GRM5: variants seen among roughly 807,000 people sequenced by gnomAD.
The protein encoded by GRM5 is glutamate metabotropic receptor 5.
Under a neutral mutation model 83.1 loss-of-function variants are expected in GRM5, and 19 were observed. That is an observed-to-expected ratio of 0.23 (90% CI 0.16 to 0.34). The LOEUF (loss-of-function observed/expected upper bound fraction) is 0.34, where lower values mean the gene tolerates loss of function less well. GRM5 is among the 10% of genes least tolerant of loss of function. The pLI is 1.00. For missense variants in GRM5, 1,160 were observed against 1,588.3 expected (o/e 0.73, Z 4.58); for synonymous variants, 675 against 633.6 (o/e 1.07, Z -0.98).
At chr11:88,905,737 C>G (rs1422934936) in intron 2 of GRM5, among the ~76,000 whole-genome samples, 1 of 152,132 alleles carries the variant, frequency 6.6e-6, no homozygotes, top group Non-Finnish European at 1.5e-5. Flanking sequence ...CTTTCAGTCT[C>G]TCTGCAAAGC....
chr11:88,890,918 T>G (rs1945134351), intron 2 of GRM5, among the ~76,000 whole-genome samples: 1 of 152,136 alleles, frequency 6.6e-6, no homozygotes, highest in Non-Finnish European at 1.5e-5. Context: ...AAAATGTGTT[T>G]TTTAGTAAAG....
At chr11:88,755,288 A>G (rs1003938280) in intron 3 of GRM5, among the ~76,000 whole-genome samples, 1 of 152,168 alleles carries the variant, frequency 6.6e-6, no homozygotes, top group Non-Finnish European at 1.5e-5. Context: ...GATGCCGTAA[A>G]TTAATATATC....
At chr11:88,658,111 A>G (rs1317647306) in intron 3 of GRM5, among the ~76,000 whole-genome samples, 1 of 152,008 alleles carries the variant, frequency 6.6e-6, no homozygotes, top group Non-Finnish European at 1.5e-5. Flanking sequence ...CACCTGTTAG[A>G]TCTAATGCAG....
intron 3 of GRM5, among the ~76,000 whole-genome samples, chr11:88,783,726 A>G (rs562580202): frequency 1.3e-5 from 2 of 152,174 alleles, no homozygotes; most frequent in Non-Finnish European, 2.9e-5. Flanking sequence ...TGATATATGA[A>G]TGACTCAAAA....
chr11:88,845,708 C>T (rs1321430318), intron 3 of GRM5, among the ~76,000 whole-genome samples: 5 of 144,564 alleles, frequency 3.5e-5, no homozygotes, highest in African/African-American at 1.0e-4. Context: ...GCTGGGATTA[C>T]AGGCATGAAC....
intron 7 of GRM5, among the ~76,000 whole-genome samples, chr11:88,588,066 A>T (rs955181244): frequency 2.0e-5 from 3 of 152,202 alleles, no homozygotes; most frequent in Non-Finnish European, 4.4e-5. Context: ...TTTTGGATAC[A>T]TTATTCAGTA....
chr11:88,543,290 C>T (rs1366555024), intron 8 of GRM5, among the ~76,000 whole-genome samples: 1 of 152,138 alleles, frequency 6.6e-6, no homozygotes, highest in Non-Finnish European at 1.5e-5. Context: ...CACATGGGGC[C>T]TTGTAGAGCT....
chr11:88,823,602 G>A (rs987675754), intron 3 of GRM5, among the ~76,000 whole-genome samples: 4 of 151,830 alleles, frequency 2.6e-5, no homozygotes, highest in Admixed American at 2.0e-4. Context: ...AAGTACTACT[G>A]ACTAGGATGC....
chr11:88,728,809 C>T (rs1029032037), intron 3 of GRM5, among the ~76,000 whole-genome samples: 3 of 151,996 alleles, frequency 2.0e-5, no homozygotes, highest in Non-Finnish European at 2.9e-5. Context: ...AAAAGGCCTT[C>T]GATAAAATTC....
intron 2 of GRM5, among the ~76,000 whole-genome samples, chr11:88,893,379 T>C (rs1263551758): frequency 6.6e-6 from 1 of 152,018 alleles, no homozygotes; most frequent in Non-Finnish European, 1.5e-5. Flanking sequence ...ATGTTATAGA[T>C]GGTTGTGGAA....
At chr11:88,593,109 T>C (rs1937684293) in intron 6 of GRM5, among the ~76,000 whole-genome samples, 1 of 152,178 alleles carries the variant, frequency 6.6e-6, no homozygotes, top group Non-Finnish European at 1.5e-5. Context: ...CATGAGCCAC[T>C]GCACCCACCC....
intron 8 of GRM5, among the ~76,000 whole-genome samples, chr11:88,565,351 C>T (rs1252714344): frequency 6.6e-6 from 1 of 152,152 alleles, no homozygotes; most frequent in Non-Finnish European, 1.5e-5. Context: ...GACAAAGTAG[C>T]ACTGCTGTTG....
At chr11:88,744,661 C>T (rs1363485686) in intron 3 of GRM5, among the ~76,000 whole-genome samples, 4 of 152,110 alleles carry the variant, frequency 2.6e-5, no homozygotes, top group Non-Finnish European at 4.4e-5. Flanking sequence ...AGGGCGTGTC[C>T]TACTGCACCA....
chr11:88,721,146 C>A (rs7480243), intron 3 of GRM5, among the ~76,000 whole-genome samples: 151,998 of 152,148 alleles, frequency 1, 75,925 homozygotes, highest in Non-Finnish European at 1. Flanking sequence ...ATTACATGAG[C>A]GAATACATGT....
In GRM5 at chr11:88,800,878, G is replaced by T. The variant is rs1367808473; in HGVS notation, c.911+49028C>A. Among the ~76,000 whole-genome samples, 4 of 152,190 alleles carry T rather than the reference G, an allele frequency of 2.6e-5. No individual in the cohort carries two copies. The East Asian group carries it at 7.7e-4, about 29-fold the overall frequency. On this transcript the variant is annotated intron_variant, in intron 3 of 9. Coordinates refer to ENST00000305447, the MANE Select transcript of GRM5 (RefSeq NM_001143831.3). Reference sequence around the variant, plus strand: ...GAAAATAACAGCAATTTTATTAATAGCAAATTATTACGTGAATGGAAGGAA... The same window carrying T: ...GAAAATAACAGCAATTTTATTAATATCAAATTATTACGTGAATGGAAGGAA...
chr11:88,753,599 T>G (rs1396330489), intron 3 of GRM5, among the ~76,000 whole-genome samples: 1 of 152,106 alleles, frequency 6.6e-6, no homozygotes, highest in East Asian at 1.9e-4. Flanking sequence ...TATAAACCAT[T>G]ATATTATAAA....
intron 3 of GRM5, among the ~76,000 whole-genome samples, chr11:88,745,211 T>TC (rs1555006492): frequency 2.1e-5 from 3 of 142,390 alleles, no homozygotes; most frequent in African/African-American, 7.7e-5. Context: ...TTTTTTTTTT[T>TC]CTGAGACAGA....
At chr11:88,675,767 C>T (rs1940311134) in intron 3 of GRM5, among the ~76,000 whole-genome samples, 1 of 151,940 alleles carries the variant, frequency 6.6e-6, no homozygotes, top group Non-Finnish European at 1.5e-5. Flanking sequence ...GACTCGTTGT[C>T]CCATGTTTCT....
intron 4 of GRM5, among the ~76,000 whole-genome samples, chr11:88,644,204 C>T (rs1213402149): frequency 1.3e-5 from 2 of 152,168 alleles, no homozygotes; most frequent in Non-Finnish European, 2.9e-5. Context: ...GCAAGGCACA[C>T]TTCAGTCCAT....
Sources: allele counts gnomAD v4.1 joint callset (sites outside exome capture counted in the v4.1 genomes callset), GRCh38; gene constraint gnomAD v4.1.1; transcripts MANE v1.5; gene names NCBI Gene and HGNC (gene_info 2026-07-23, HGNC 2026-07-21).